Variants in CA10 observed in about 807,000 individuals in gnomAD.
The protein encoded by CA10 is carbonic anhydrase 10 (inactive).
CA10 carries 14 observed loss-of-function variants against 44.2 expected under a neutral mutation model. That is an observed-to-expected ratio of 0.32 (90% CI 0.21 to 0.50). The LOEUF (loss-of-function observed/expected upper bound fraction) is 0.50. Ranked by LOEUF, CA10 falls within the 20% of genes least tolerant of loss-of-function variation. CA10 has a pLI of 0.99. For synonymous variants in CA10, 159 were observed against 141.6 expected (o/e 1.12, Z -0.87); for missense variants, 350 against 409.7 (o/e 0.85, Z 1.26).
At chr17:51,778,146 A>C (rs1480959890) in intron 3 of CA10, among the ~76,000 whole-genome samples, 1 of 152,192 alleles carries the variant, frequency 6.6e-6, no homozygotes, top group Non-Finnish European at 1.5e-5. Context: ...CATAGTCTTC[A>C]GAAAGTGCAC....
intron 4 of CA10, among the ~76,000 whole-genome samples, chr17:51,730,686 AT>A (rs1298365144): frequency 6.6e-6 from 1 of 152,244 alleles, no homozygotes; most frequent in African/African-American, 2.4e-5. Flanking sequence ...TAAACTTTTA[AT>A]TAAAATGAGC....
rs571935255 is a variant in CA10 at position 51,739,161 on chromosome 17, A to G, written c.465+8472T>C. ...GGCCACTGATAGTATCAGAGTCCCA[A>G]CGAATATAGGTCATTCTTATTTAAC... is the stretch of plus-strand genomic sequence containing the variant. On this transcript the variant is annotated intron_variant, in intron 4 of 8. Transcript: ENST00000451037. Among the ~76,000 whole-genome samples the G allele has an allele frequency of 5.3e-5, 8 of 152,232 alleles. No individual in the cohort carries two copies. In the South Asian group the frequency reaches 6.2e-4, roughly 12 times the overall value.
rs192489057 is a variant in CA10, at chr17:52,029,328, C to T, written c.136+42991G>A. On this transcript the variant is annotated intron_variant, in intron 2 of 8. Coordinates refer to ENST00000451037, the MANE Select transcript of CA10 (RefSeq NM_020178.5). ...AAGTTTTCAAGAGATGGTATCAAAA[C>T]ACGCTTTTGTCAACAAGCCCAATCA... is the stretch of plus-strand genomic sequence containing the variant. Among the ~76,000 whole-genome samples, 7 of 152,230 alleles carry T rather than the reference C, an allele frequency of 4.6e-5. No individual in the cohort carries two copies. The East Asian group carries it at 1.2e-3, about 25-fold the overall frequency.
At chr17:52,080,862 A>AG (rs1180496406) in intron 1 of CA10, among the ~76,000 whole-genome samples, 1 of 152,154 alleles carries the variant, frequency 6.6e-6, no homozygotes, top group African/African-American at 2.4e-5. Flanking sequence ...ACTTCCCTGA[A>AG]TTTCAGAACT....
chr17:51,840,190 T>C (rs185650714), intron 3 of CA10, among the ~76,000 whole-genome samples: 3 of 152,274 alleles, frequency 2.0e-5, no homozygotes, highest in East Asian at 1.9e-4. Context: ...GCAGGTGAAG[T>C]ATTTAATACG....
chr17:51,671,966 G>A (rs889229047), intron 4 of CA10, among the ~76,000 whole-genome samples: 26 of 152,176 alleles, frequency 1.7e-4, no homozygotes, highest in African/African-American at 6.3e-4. Context: ...AGTAAGAAGA[G>A]TTACAAATCT....
chr17:52,117,186 C>T (rs946293256), intron 1 of CA10, among the ~76,000 whole-genome samples: 7 of 152,148 alleles, frequency 4.6e-5, no homozygotes, highest in African/African-American at 1.7e-4. Context: ...TCCATTTTGC[C>T]TTGCCACTCT....
chr17:51,867,227 T>C (rs1979588107), intron 3 of CA10, among the ~76,000 whole-genome samples: 1 of 152,208 alleles, frequency 6.6e-6, no homozygotes, highest in South Asian at 2.1e-4. Context: ...GTAAGTAAGA[T>C]GCTTTCTGCT....
rs9910438 is a variant in CA10 at position 51,992,861 on chromosome 17, C to T, written c.137-61729G>A. Reference sequence around the variant, plus strand: ...TCTCAGCCTTTTAGATTGTTATAACCCAACTTGCTGTTTCCTTTTCAATTA... The same window carrying T: ...TCTCAGCCTTTTAGATTGTTATAACTCAACTTGCTGTTTCCTTTTCAATTA... On this transcript the variant is annotated intron_variant, in intron 2 of 8. Coordinates refer to ENST00000451037, the MANE Select transcript of CA10 (RefSeq NM_020178.5). Among the ~76,000 whole-genome samples, 201 of 152,142 alleles carry T rather than the reference C, an allele frequency of 1.3e-3. 1 individual carries two copies. Among genetic ancestry groups the T allele is most frequent in the African/African-American group, 4.0e-3 (167 of 41,540 alleles).
chr17:52,074,298 G>T (rs1987761505), intron 1 of CA10, among the ~76,000 whole-genome samples: 1 of 152,274 alleles, frequency 6.6e-6, no homozygotes, highest in Non-Finnish European at 1.5e-5. Context: ...GCCTAGCTCT[G>T]CTAGACATGT....
intron 2 of CA10, among the ~76,000 whole-genome samples, chr17:52,062,661 C>T (rs1987421435): frequency 1.3e-5 from 2 of 152,218 alleles, no homozygotes; most frequent in Non-Finnish European, 2.9e-5. Flanking sequence ...TCAGCTGGTG[C>T]TCCAGAGGGT....
At chr17:51,743,005 T>C (rs1356303177) in intron 4 of CA10, among the ~76,000 whole-genome samples, 5 of 152,214 alleles carry the variant, frequency 3.3e-5, no homozygotes, top group Admixed American at 1.3e-4. Flanking sequence ...ACTTTACACA[T>C]CTGTGGGCAG....
rs1208908622 is a variant in CA10, at chr17:51,744,614, C to CTAAATAAA, written c.465+3011_465+3018dup. On this transcript the variant is annotated intron_variant, in intron 4 of 8. Coordinates refer to ENST00000451037, the MANE Select transcript of CA10 (RefSeq NM_020178.5). ...GGTAACAGAGTAAGACCCTTTCTCT[C>CTAAATAAA]TAAATAAATAAATAAATAAATAAAA... Among the ~76,000 whole-genome samples, 885 of 152,072 alleles carry CTAAATAAA rather than the reference C, an allele frequency of 5.8e-3. 5 individuals are homozygous for CTAAATAAA. The highest frequency in any genetic ancestry group is 0.02 in the African/African-American group (829 of 41,462).
chr17:51,763,990 T>C (rs1905285408), intron 3 of CA10, among the ~76,000 whole-genome samples: 1 of 150,682 alleles, frequency 6.6e-6, no homozygotes, highest in African/African-American at 2.4e-5. Flanking sequence ...CCATAGGTTG[T>C]GAAATATATC....
intron 3 of CA10, among the ~76,000 whole-genome samples, chr17:51,770,232 G>A (rs1317304377): frequency 7.2e-6 from 1 of 138,226 alleles, no homozygotes; most frequent in Non-Finnish European, 1.6e-5. Context: ...TCCCCGCCCC[G>A]CCCAGAAATA....
intron 2 of CA10, among the ~76,000 whole-genome samples, chr17:52,057,182 G>T (rs538596798): frequency 6.6e-6 from 1 of 152,174 alleles, no homozygotes; most frequent in Admixed American, 6.6e-5. Context: ...ACAACATGGG[G>T]TGTGAGCTAC....
At chr17:52,148,920 C>A (rs1473436855) in intron 1 of CA10, among the ~76,000 whole-genome samples, 8 of 152,142 alleles carry the variant, frequency 5.3e-5, no homozygotes, top group Admixed American at 5.2e-4. Context: ...ACATTTAACA[C>A]TGGGAAAAAA....
At chr17:51,833,657 G>A (rs1437119981) in intron 3 of CA10, among the ~76,000 whole-genome samples, 1 of 152,104 alleles carries the variant, frequency 6.6e-6, no homozygotes, top group Admixed American at 6.6e-5. Context: ...ATAAGAAAAG[G>A]GTACTGTGTA....
At position 51,847,969 on chromosome 17, in the gene CA10, T is replaced by C. The variant is rs142890060; in HGVS notation, c.279+83021A>G. 2.0e-5 allele frequency among the ~76,000 whole-genome samples: 3 copies of C among 152,306 alleles called. No homozygotes were observed. The East Asian group carries it at 5.8e-4, about 29-fold the overall frequency. On this transcript the variant is annotated intron_variant, in intron 3 of 8. Transcript: ENST00000451037. ...CTTTATGTGCACAAAGTACCTTTCA[T>C]ATAATCTGACATCAAGGAATTTCAG...
Sources: gnomAD v4.1 joint callset for allele counts (sites outside exome capture counted in the v4.1 genomes callset) on GRCh38, gnomAD v4.1.1 for gene constraint, MANE v1.5 for transcripts, NCBI Gene and HGNC (gene_info 2026-07-23, HGNC 2026-07-21) for gene names.